The following AGBL1 variants were observed in gnomAD, a reference collection of about 807,000 sequenced individuals.
AGBL1 encodes AGBL carboxypeptidase 1, also known as cytosolic carboxypeptidase 4.
A neutral mutation model predicts 118.9 loss-of-function variants in AGBL1; 130 were observed. The ratio of observed to expected loss-of-function variants is 1.09; its 90% CI spans 0.95 to 1.26. AGBL1 has a LOEUF of 1.26. Ranked by LOEUF, AGBL1 falls within the 50% of genes most tolerant of loss-of-function variation. The pLI, the probability that AGBL1 is intolerant of heterozygous loss-of-function variation, is 0.00. For synonymous variants in AGBL1, 555 were observed against 478.9 expected (o/e 1.16, Z -2.08); for missense variants, 1,584 against 1,298.1 (o/e 1.22, Z -3.38).
intron 5 of AGBL1, among the ~76,000 whole-genome samples, chr15:86,224,159 A>G (rs893450680): frequency 6.6e-6 from 1 of 152,116 alleles, no homozygotes; most frequent in Admixed American, 6.5e-5. Context: ...AAAAGCAAAC[A>G]CAACTCTCCT....
Position 86,267,048 on chromosome 15 carries a change from A to G in AGBL1, c.1810A>G (p.Asn604Asp). The G allele has an allele frequency of 1.3e-6, 2 of 1,567,286 alleles. No homozygotes were observed. Among genetic ancestry groups the G allele is most frequent in the South Asian group, 1.2e-5 (1 of 84,974 alleles). ...LRFFSKFESG[N>D]LRKAIQVREF... ...GTTCTTCTCCAAATTTGAGTCAGGA[A>G]ATCTTCGCAAAGCCATCCAAGTGCG... Residue 604 changes from asparagine to aspartate, a missense_variant, in exon 13 of 23, where the codon AAT becomes GAT. Coordinates refer to ENST00000614907, the MANE Select transcript of AGBL1 (RefSeq NM_001386094.1).
At chr15:86,350,526 C>T (rs1022079991) in intron 17 of AGBL1, among the ~76,000 whole-genome samples, 1 of 152,146 alleles carries the variant, frequency 6.6e-6, no homozygotes, top group African/African-American at 2.4e-5. Flanking sequence ...CTTTGCTGTT[C>T]CGTATACATA....
chr15:86,417,203 C>T (rs1297112996), intron 18 of AGBL1, among the ~76,000 whole-genome samples: 4 of 152,304 alleles, frequency 2.6e-5, no homozygotes, highest in Non-Finnish European at 5.9e-5. Flanking sequence ...CTTAGAAAGT[C>T]ATTTCTTAAA....
rs970247374 is a variant in AGBL1, at chr15:86,613,218, C to T, written c.2994+58681C>T. On this transcript the variant is annotated intron_variant, in intron 21 of 22. Coordinates refer to ENST00000614907, the MANE Select transcript of AGBL1 (RefSeq NM_001386094.1). This position sits in a 1 kb window ranked among gnomAD's most constrained non-coding sequence, Gnocchi z 4.2. ...TTTACAGGTACCTTAAAGAAGAAAA[C>T]AAATTAAAGCAGGAATCGGAGCGAG... is the stretch of plus-strand genomic sequence containing the variant. Among the ~76,000 whole-genome samples, 5 of 152,128 alleles carry T rather than the reference C, an allele frequency of 3.3e-5. No homozygotes were observed. Among genetic ancestry groups the T allele is most frequent in the Non-Finnish European group, 5.9e-5 (4 of 68,028 alleles).
intron 22 of AGBL1, among the ~76,000 whole-genome samples, chr15:86,857,795 C>G (rs1293083060): frequency 1.3e-5 from 2 of 152,186 alleles, no homozygotes; most frequent in Non-Finnish European, 2.9e-5. Context: ...CCTAGAAGGT[C>G]TCAATAAATA....
chr15:86,263,228 C>A (rs1226669327), intron 10 of AGBL1, among the ~76,000 whole-genome samples: 1 of 152,190 alleles, frequency 6.6e-6, no homozygotes, highest in Non-Finnish European at 1.5e-5. Flanking sequence ...ATTTTCACTG[C>A]ACCTTTTTAT....
intron 23 of AGBL1, among the ~76,000 whole-genome samples, chr15:86,986,274 T>C (rs899460532): frequency 6.6e-6 from 1 of 152,156 alleles, no homozygotes; most frequent in Non-Finnish European, 1.5e-5. Context: ...TTTAAAAAAG[T>C]TTATTTCTTC....
At chr15:86,641,677 G>A in intron 21 of AGBL1, among the ~76,000 whole-genome samples, 1 of 152,042 alleles carries the variant, frequency 6.6e-6, no homozygotes, top group East Asian at 1.9e-4. Context: ...AGCATTTTGG[G>A]AGGCTGAGGC....
intron 9 of AGBL1, among the ~76,000 whole-genome samples, chr15:86,259,366 T>C (rs1409163807): frequency 6.6e-6 from 1 of 152,264 alleles, no homozygotes; most frequent in African/African-American, 2.4e-5. Context: ...TTATAGTTTC[T>C]TAATTTTGTT....
rs1399494390 is a variant in AGBL1, at chr15:86,271,686, C to A, written c.2055C>A (p.Gly685=). ...LLGKPTWIRT[G]HEICYYKNHY... The stretch of plus-strand genomic sequence containing the variant: ...GCAAACCCACCTGGATAAGGACAGG[C>A]CATGAAATATGTTATTACAAGTAAG... Residue 685 remains glycine (G), a synonymous_variant, in exon 15 of 23, where the codon GGC becomes GGA. Transcript: ENST00000614907. 1 of 1,612,836 alleles carries A rather than the reference C, an allele frequency of 6.2e-7. No homozygotes were observed. Among genetic ancestry groups the A allele is most frequent in the Non-Finnish European group, 8.5e-7 (1 of 1,179,010 alleles).
At chr15:86,876,173 C>A (rs1269466392) in intron 22 of AGBL1, among the ~76,000 whole-genome samples, 1 of 152,032 alleles carries the variant, frequency 6.6e-6, no homozygotes, top group Non-Finnish European at 1.5e-5. Flanking sequence ...TCCTGTATAC[C>A]AAGGACTCTG....
intron 7 of AGBL1, 115 bp from the exon 8 acceptor site, chr15:86,256,738 G>A (rs996443580): frequency 4.9e-5 from 53 of 1,071,852 alleles, no homozygotes; most frequent in Non-Finnish European, 6.5e-5. Context: ...TTCATTAGCT[G>A]AAACACAGCT....
At chr15:86,736,602 TCACAGC>T (rs1271654681) in intron 22 of AGBL1, among the ~76,000 whole-genome samples, 1 of 152,166 alleles carries the variant, frequency 6.6e-6, no homozygotes, top group Non-Finnish European at 1.5e-5. Context: ...TCATGTAATG[TCACAGC>T]AAATACCCTT....
chr15:86,743,029 C>A (rs1200641456), intron 22 of AGBL1, among the ~76,000 whole-genome samples: 1 of 152,042 alleles, frequency 6.6e-6, no homozygotes, highest in Non-Finnish European at 1.5e-5. Context: ...TAGATGAAAG[C>A]AGGGCTCAAT....
chr15:86,145,531 T>A (rs2077021301), intron 3 of AGBL1, among the ~76,000 whole-genome samples: 1 of 152,192 alleles, frequency 6.6e-6, no homozygotes, highest in Non-Finnish European at 1.5e-5. Flanking sequence ...GGGCCTTTGA[T>A]GTCCAGTGCT....
chr15:86,107,658 G>C (rs954062217), intron 1 of AGBL1: 12 of 152,184 alleles, frequency 7.9e-5, no homozygotes, highest in African/African-American at 2.4e-4. Context: ...TCACCATCTA[G>C]AATTCATCAG....
At chr15:86,516,478 G>T (rs1188843244) in intron 18 of AGBL1, among the ~76,000 whole-genome samples, 2 of 152,160 alleles carry the variant, frequency 1.3e-5, no homozygotes, top group African/African-American at 2.4e-5. Context: ...TCAGTCAGTT[G>T]TATGTGGGAA....
rs901810236 is a variant in AGBL1 at position 86,675,548 on chromosome 15, G to A, written c.3158+1112G>A. Among the ~76,000 whole-genome samples the A allele has an allele frequency of 3.3e-5, 5 of 152,220 alleles. No homozygotes were observed. In the East Asian group the frequency reaches 5.8e-4, roughly 18 times the overall value. ...GCAGGGCTCTTTCCATAGAGCTGCC[G>A]TTGCTGATTTATTTTGACATCACAA... On this transcript the variant is annotated intron_variant, in intron 22 of 22. Coordinates refer to ENST00000614907, the MANE Select transcript of AGBL1 (RefSeq NM_001386094.1).
At chr15:86,421,524 C>T (rs2142024354) in intron 18 of AGBL1, among the ~76,000 whole-genome samples, 1 of 152,262 alleles carries the variant, frequency 6.6e-6, no homozygotes, top group South Asian at 2.1e-4. Context: ...AGAACATTGA[C>T]ACTATGAAGA....
Sources: allele counts gnomAD v4.1 joint callset (sites outside exome capture counted in the v4.1 genomes callset), GRCh38; gene constraint gnomAD v4.1.1; non-coding constraint Gnocchi (gnomAD v3.1); transcripts MANE v1.5; gene names NCBI Gene and HGNC (gene_info 2026-07-23, HGNC 2026-07-21).